Variants in SOS2 observed in about 807,000 individuals in gnomAD.
SOS2 encodes son of sevenless homolog 2.
SOS2 carries 65 observed loss-of-function variants against 148.2 expected under a neutral mutation model. The observed-to-expected ratio is 0.44, with a 90% confidence interval of 0.36 to 0.54. SOS2 has a LOEUF of 0.54. Among genes scored for constraint, SOS2 ranks in the 20% least tolerant of loss-of-function variants. The pLI is 0.00. For missense variants in SOS2, 1,341 were observed against 1,590.2 expected (o/e 0.84, Z 2.67); for synonymous variants, 539 against 537.1 (o/e 1.00, Z -0.05).
chr14:50,177,646 A>G (rs916362914), intron 7 of SOS2, among the ~76,000 whole-genome samples: 1 of 152,218 alleles, frequency 6.6e-6, no homozygotes, highest in Non-Finnish European at 1.5e-5. Flanking sequence ...TGCATACTTT[A>G]TATGAATATA....
intron 18 of SOS2, among the ~76,000 whole-genome samples, chr14:50,134,720 A>G (rs1313669221): frequency 6.6e-6 from 1 of 152,146 alleles, no homozygotes; most frequent in East Asian, 1.9e-4. Flanking sequence ...ATTTATAATT[A>G]CTCTGGAAAT....
Position 50,220,405 on chromosome 14 carries a change from CAAA to C in SOS2, c.87+10789_87+10791del, listed in dbSNP as rs367829144. 3.1e-3 allele frequency among the ~76,000 whole-genome samples: 93 copies of C among 30,446 alleles called. 5 individuals carry two copies. The highest frequency in any genetic ancestry group is 0.028 in the Middle Eastern group (1 of 36). The allele number at this position is 30,446 out of a possible 152,430, so 20.0% of individuals were successfully genotyped here. A position where few individuals can be genotyped will look rare whatever the true frequency, so the allele number is the denominator to read the frequency against. On this transcript the variant is annotated intron_variant, in intron 1 of 22. Coordinates refer to ENST00000216373, the MANE Select transcript of SOS2 (RefSeq NM_006939.4). ...TGGGCGACAGAGCGAGACTCCATCT[CAAA>C]AAAAAAAAAAAAAAGAACAGACCCT...
intron 4 of SOS2, among the ~76,000 whole-genome samples, chr14:50,197,182 T>C (rs907903748): frequency 3.3e-5 from 5 of 152,116 alleles, no homozygotes; most frequent in Non-Finnish European, 5.9e-5. Context: ...AGTAACAGAT[T>C]ATGACCCATT....
Position 50,118,596 on chromosome 14 carries a change from G to A in SOS2, c.3747C>T (p.Leu1249=), listed in dbSNP as rs1221719767. The A allele has an allele frequency of 1.9e-6, 3 of 1,614,158 alleles. No homozygotes were observed. The highest frequency in any genetic ancestry group is 2.5e-6 in the Non-Finnish European group (3 of 1,180,026). The change falls in exon 23 of 23, where the codon CTC becomes CTT. Residue 1249 remains leucine, a synonymous_variant. Transcript: ENST00000216373. ...AATTTGGACACGTACTAATGTCTCTGAGCCAGTCTGAATCTCTGTGAAGAT... is the reference window on the plus strand; with the variant it reads ...AATTTGGACACGTACTAATGTCTCTAAGCCAGTCTGAATCTCTGTGAAGAT... ...LGHLHRDSDW[L]RDISTCPNSP... is the part of the protein sequence containing the mutation.
rs759452286 is a variant in SOS2, at chr14:50,128,518, T to C, written c.3379+1443A>G. On this transcript the variant is annotated intron_variant, in intron 21 of 22. Coordinates refer to ENST00000216373, the MANE Select transcript of SOS2 (RefSeq NM_006939.4). Reference sequence around the variant, plus strand: ...ACAAGAAAGGAAGCATAGCAGTGAATAATATTTGCCCCAAATGTGGTTAAG... The same window carrying C: ...ACAAGAAAGGAAGCATAGCAGTGAACAATATTTGCCCCAAATGTGGTTAAG... 8.5e-5 allele frequency among the ~76,000 whole-genome samples: 13 copies of C among 152,294 alleles called. No individual in the cohort carries two copies. The South Asian group carries it at 2.5e-3, about 29-fold the overall frequency.
chr14:50,185,367 T>C (rs1014192922), intron 5 of SOS2, among the ~76,000 whole-genome samples: 4 of 152,092 alleles, frequency 2.6e-5, no homozygotes, highest in Non-Finnish European at 5.9e-5. Flanking sequence ...CTCACATACG[T>C]TGTCACAGAA....
Position 50,158,648 on chromosome 14 carries a change from T to C in SOS2, c.1853-2A>G. 6.3e-7 allele frequency: 1 copy of C among 1,590,474 alleles called. No homozygotes were observed. The highest frequency in any genetic ancestry group is 8.6e-7 in the Non-Finnish European group (1 of 1,163,030). On this transcript the variant is annotated splice_acceptor_variant, in intron 10 of 22. Coordinates refer to ENST00000216373, the MANE Select transcript of SOS2 (RefSeq NM_006939.4). LOFTEE classifies it high-confidence loss of function. ...GAAAAGTACGAACAAAATTGGGATC[T>C]GAAAAGGCAGAGCATAAAATAGGTT... is the stretch of plus-strand genomic sequence containing the variant.
chr14:50,143,210 A>G (rs1460130165), intron 16 of SOS2, among the ~76,000 whole-genome samples: 1 of 151,944 alleles, frequency 6.6e-6, no homozygotes, highest in Non-Finnish European at 1.5e-5. Context: ...CTGTAATCGC[A>G]GCTACTCAAG....
At chr14:50,209,033 T>C (rs1195799485) in intron 1 of SOS2, among the ~76,000 whole-genome samples, 2 of 152,170 alleles carry the variant, frequency 1.3e-5, no homozygotes, top group Non-Finnish European at 2.9e-5. Flanking sequence ...AAGGCCTGAA[T>C]AGAACAAAAG....
At chr14:50,214,301 T>C (rs539008162) in intron 1 of SOS2, among the ~76,000 whole-genome samples, 252 of 151,178 alleles carry the variant, frequency 1.7e-3, no homozygotes, top group African/African-American at 5.7e-3. Context: ...GAAATTCATA[T>C]AGGACCAATA....
At chr14:50,191,716 T>C (rs1265229833) in intron 4 of SOS2, among the ~76,000 whole-genome samples, 1 of 152,142 alleles carries the variant, frequency 6.6e-6, no homozygotes, top group Non-Finnish European at 1.5e-5. Context: ...AACCGGAAGG[T>C]ACATGCACCT....
intron 4 of SOS2, among the ~76,000 whole-genome samples, chr14:50,190,414 T>A (rs1414355792): frequency 6.6e-6 from 1 of 152,206 alleles, no homozygotes; most frequent in Non-Finnish European, 1.5e-5. Flanking sequence ...AATATGCTAA[T>A]AAAGTAAACA....
chr14:50,178,717 C>CAA lies in SOS2; in HGVS notation c.969+1854_969+1855insTT, dbSNP rs1885622183. 2.7e-4 allele frequency among the ~76,000 whole-genome samples: 2 copies of CAA among 7,282 alleles called. 1 individual carries two copies. The allele number at this position is 7,282 out of a possible 152,430, so 4.8% of individuals were successfully genotyped here. A position where few individuals can be genotyped will look rare whatever the true frequency, so the allele number is the denominator to read the frequency against. On this transcript the variant is annotated intron_variant, in intron 7 of 22. Coordinates refer to ENST00000216373, the MANE Select transcript of SOS2 (RefSeq NM_006939.4). ...ATATATATATATATATATATACACA[C>CAA]ATATACACACACATATATATATATA...
chr14:50,159,785 A>C lies in SOS2; in HGVS notation c.1498T>G (p.Cys500Gly). ...TGCTCACAAGTATCTTCTTTATCAC[A>C]AATTTGTATTTTCCTCATGACAAAT... The part of the protein sequence containing the change: ...EKFVMRKIQI[C>G]DKEDTCEHKH... Residue 500 changes from cysteine (C) to glycine (G), a missense_variant, in exon 10 of 23, where the codon TGT (cysteine) becomes GGT (glycine). Physicochemically the swap from Cys to Gly is radical, Grantham distance 159. Around this residue, in one of 4 missense-constraint regions of SOS2, gnomAD observed 574 missense variants for 711.1 expected, o/e 0.81. Transcript: ENST00000216373. 6.2e-7 allele frequency: 1 copy of C among 1,614,080 alleles called. No individual in the cohort carries two copies. The highest frequency in any genetic ancestry group is 8.5e-7 in the Non-Finnish European group (1 of 1,179,976).
intron 1 of SOS2, among the ~76,000 whole-genome samples, chr14:50,215,734 A>AC (rs398118191): frequency 3.0e-4 from 46 of 152,222 alleles, no homozygotes; most frequent in African/African-American, 1.0e-3. Context: ...ATAAAAAAAA[A>AC]CAAAAAACAA....
At chr14:50,171,879 G>C (rs1184777020) in intron 8 of SOS2, among the ~76,000 whole-genome samples, 1 of 151,956 alleles carries the variant, frequency 6.6e-6, no homozygotes, top group African/African-American at 2.4e-5. Flanking sequence ...CCCTTTTCTG[G>C]TTGGCAAACA....
chr14:50,200,816 T>G, intron 3 of SOS2, 137 bp downstream of exon 3: 1 of 657,630 alleles, frequency 1.5e-6, no homozygotes, highest in Non-Finnish European at 2.6e-6. Context: ...ATGCGATGTG[T>G]ATGTACAAGC....
In SOS2 at chr14:50,146,133, C is replaced by T. The variant is rs61982681; in HGVS notation, c.2385-537G>A. Among the ~76,000 whole-genome samples, 142 of 132,212 alleles carry T rather than the reference C, an allele frequency of 1.1e-3. 1 individual carries two copies. The highest frequency in any genetic ancestry group is 3.2e-3 in the African/African-American group (102 of 32,062). The allele number at this position is 132,212 out of a possible 152,430, so 86.7% of individuals were successfully genotyped here. A position where few individuals can be genotyped will look rare whatever the true frequency, so the allele number is the denominator to read the frequency against. ...GGGCAACAAGAGCAAAGCTCTGTCT[C>T]CAAAAAAAAAAAAAAAAAAAAAGAA... On this transcript the variant is annotated intron_variant, in intron 14 of 22. Transcript: ENST00000216373.
intron 20 of SOS2, 151 bp from the exon 21 acceptor site, chr14:50,130,153 T>G: frequency 1.7e-6 from 1 of 590,892 alleles, no homozygotes; most frequent in Non-Finnish European, 3.0e-6. Context: ...CTCAGAACCT[T>G]CTGTATCTAG....
Sources: allele counts gnomAD v4.1 joint callset (sites outside exome capture counted in the v4.1 genomes callset), GRCh38; gene constraint gnomAD v4.1.1; regional missense constraint gnomAD v4.1.1; transcripts MANE v1.5; gene names NCBI Gene and HGNC (gene_info 2026-07-23, HGNC 2026-07-21).